Variants in RELCH observed in about 807,000 individuals in gnomAD.
The protein encoded by RELCH is RAB11-binding protein RELCH.
In RELCH, 41 loss-of-function variants were observed where a neutral mutation model predicts 150.3. That is an observed-to-expected ratio of 0.27 (90% CI 0.21 to 0.35). The LOEUF (loss-of-function observed/expected upper bound fraction) is 0.35, where lower values mean the gene tolerates loss of function less well. Among genes scored for constraint, RELCH ranks in the 10% least tolerant of loss-of-function variants. The pLI is 1.00. For missense variants in RELCH, 1,092 were observed against 1,467.8 expected, an observed-to-expected ratio of 0.74 and a Z score of 4.18; for synonymous variants, 478 against 531.8, an observed-to-expected ratio of 0.90 and a Z score of 1.39.
chr18:62,246,605 CT>C (rs1477992990), intron 11 of RELCH: 1 of 152,172 alleles, frequency 6.6e-6, no homozygotes, highest in African/African-American at 2.4e-5. Context: ...TTCTGTTACT[CT>C]AATATCATTT....
intron 19 of RELCH, 102 bp downstream of exon 19, chr18:62,266,851 T>G (rs1353468320): frequency 4.4e-6 from 3 of 684,754 alleles, no homozygotes. Flanking sequence ...AACTAGCAAC[T>G]ACAATTGAAA....
chr18:62,198,287 G>A (rs1267079385), intron 1 of RELCH, among the ~76,000 whole-genome samples: 1 of 152,124 alleles, frequency 6.6e-6, no homozygotes, highest in African/African-American at 2.4e-5. Flanking sequence ...AACTAACAAG[G>A]CCAAATTAGC....
Position 62,267,106 on chromosome 18 carries a change from T to C in RELCH, c.2680+357T>C, listed in dbSNP as rs112786810. Among the ~76,000 whole-genome samples, 280 of 152,082 alleles carry C rather than the reference T, an allele frequency of 1.8e-3. 3 individuals carry two copies. The highest frequency in any genetic ancestry group is 6.5e-3 in the African/African-American group (271 of 41,558). On this transcript the variant is annotated intron_variant, in intron 19 of 28. Transcript: ENST00000644646. ...ATCTAATTCCTAATTAGTTCTATAA[T>C]ACTTTTAAAAATTAAACATAGTGGA...
chr18:62,232,798 G>A (rs1035840335), intron 10 of RELCH, among the ~76,000 whole-genome samples: 3 of 151,972 alleles, frequency 2.0e-5, no homozygotes, highest in African/African-American at 7.2e-5. Context: ...GACACTCTTT[G>A]TATTGAAAAT....
chr18:62,221,254 A>C lies in RELCH; in HGVS notation c.724A>C (p.Lys242Gln), dbSNP rs2040852947. Residue 242 changes from lysine to glutamine, a missense_variant, in exon 4 of 29, where the codon AAA becomes CAA. This residue lies in a region of RELCH where 190 missense variants were observed against 276.2 expected (regional missense o/e 0.69). Coordinates refer to ENST00000644646, the MANE Select transcript of RELCH (RefSeq NM_001346231.2). ...TCCTTTACAGGAACGAAAAAATTAC[A>C]AATCAAGTCCTGAAATTCAGGTGGG... ...EVPLQERKNY[K>Q]SSPEIQEPIK... The C allele has an allele frequency of 6.2e-7, 1 of 1,611,324 alleles. No individual in the cohort carries two copies. Among genetic ancestry groups the C allele is most frequent in the African/African-American group, 1.3e-5 (1 of 74,834 alleles).
At chr18:62,277,956 C>T in intron 22 of RELCH, 1 of 492,176 alleles carries the variant, frequency 2.0e-6, no homozygotes, top group Non-Finnish European at 2.6e-6. Context: ...AGTTCCTTTG[C>T]AGGCCCTGCA....
intron 25 of RELCH, chr18:62,284,376 C>G (rs1451160234): frequency 1.3e-5 from 2 of 152,338 alleles, no homozygotes; most frequent in African/African-American, 4.8e-5. Context: ...GAAATTCCCA[C>G]TGCTTGAATA....
rs1306805413 is a variant in RELCH, at chr18:62,282,400, T to G, written c.3209T>G (p.Phe1070Cys). 6.2e-7 allele frequency: 1 copy of G among 1,612,830 alleles called. No individual in the cohort carries two copies. Among genetic ancestry groups the G allele is most frequent in the Admixed American group, 1.7e-5 (1 of 59,674 alleles). ...HSLHTEIIKT[F>C]GRVGPNAEPR... Reference sequence around the variant, plus strand: ...TTGCATACAGAGATCATAAAAACATTTGGTAGAGTTGGCCCTAACGCAGAA... The same window carrying G: ...TTGCATACAGAGATCATAAAAACATGTGGTAGAGTTGGCCCTAACGCAGAA... The change falls in exon 25 of 29, where the codon TTT (phenylalanine) becomes TGT (cysteine). Residue 1070 changes from phenylalanine to cysteine, a missense_variant. Physicochemically the swap from Phe to Cys is radical, Grantham distance 205. Around this residue, in one of 4 missense-constraint regions of RELCH, gnomAD observed 707 missense variants for 1,025.4 expected, o/e 0.69. Coordinates refer to ENST00000644646, the MANE Select transcript of RELCH (RefSeq NM_001346231.2).
chr18:62,246,607 A>C (rs1247308805), intron 11 of RELCH: 1 of 152,232 alleles, frequency 6.6e-6, no homozygotes, highest in African/African-American at 2.4e-5. Context: ...CTGTTACTCT[A>C]ATATCATTTA....
At chr18:62,216,455 T>G (rs1599867499) in intron 2 of RELCH, among the ~76,000 whole-genome samples, 2 of 152,140 alleles carry the variant, frequency 1.3e-5, no homozygotes, top group East Asian at 3.8e-4. Context: ...AGTTCACACC[T>G]TAACTCTGTT....
chr18:62,295,333 T>TTG (rs1555758044), intron 27 of RELCH, among the ~76,000 whole-genome samples: 1 of 151,316 alleles, frequency 6.6e-6, no homozygotes, highest in Non-Finnish European at 1.5e-5. Context: ...TTTTTTTTTT[T>TTG]TCTCTTTCTT....
Position 62,232,364 on chromosome 18 carries a change from T to A in RELCH, c.1557T>A (p.Val519=). ...GTATTGCAGACAGTGAAAAAAGCGT[T>A]ATGTTAATGCTGGGACGCTGCCTGC... ...VSRIADSEKS[V]MLMLGRCLPH... Residue 519 remains valine, a synonymous_variant, in exon 10 of 29, where the codon GTT becomes GTA. Transcript: ENST00000644646. 1 of 1,611,924 alleles carries A rather than the reference T, an allele frequency of 6.2e-7. No homozygotes were observed.
intron 11 of RELCH, chr18:62,247,371 CAGG>C (rs2042470056): frequency 6.6e-6 from 1 of 151,798 alleles, no homozygotes. Context: ...CTATTATAAA[CAGG>C]AGAATGGAGC....
intron 12 of RELCH, among the ~76,000 whole-genome samples, chr18:62,254,473 A>G (rs2042892205): frequency 1.3e-5 from 2 of 151,032 alleles, no homozygotes; most frequent in African/African-American, 2.4e-5. Context: ...AAGAAAAGCA[A>G]ACGAAAGTTT....
chr18:62,280,420 A>ACCTTGT (rs1456603820), intron 23 of RELCH: 1 of 1,613,968 alleles, frequency 6.2e-7, no homozygotes, highest in East Asian at 2.2e-5. Context: ...GGCCCTTGTT[A>ACCTTGT]CCTTGTCCAG....
At chr18:62,244,709 A>G (rs565351750) in intron 10 of RELCH, 55 bp from the exon 11 acceptor site, 12 of 1,138,454 alleles carry the variant, frequency 1.1e-5, no homozygotes, top group African/African-American at 3.0e-5. Context: ...GGAGGAAAAA[A>G]GAATATTCTG....
At chr18:62,191,133 T>C (rs976737909) in intron 1 of RELCH, among the ~76,000 whole-genome samples, 6 of 152,212 alleles carry the variant, frequency 3.9e-5, no homozygotes, top group Non-Finnish European at 8.8e-5. Flanking sequence ...CAGTTTTGTG[T>C]TATTGTAAAG....
At chr18:62,214,747 A>G (rs1173611859) in intron 2 of RELCH, among the ~76,000 whole-genome samples, 2 of 152,134 alleles carry the variant, frequency 1.3e-5, no homozygotes, top group South Asian at 2.1e-4. Flanking sequence ...GAGCTGCACC[A>G]CAAGCCTCAC....
At chr18:62,211,378 A>C (rs1456962471) in intron 2 of RELCH, 136 bp downstream of exon 2, 4 of 504,306 alleles carry the variant, frequency 7.9e-6, no homozygotes, top group African/African-American at 6.0e-5. Flanking sequence ...TTATGTTACT[A>C]ATTACTAATT....
Sources: allele counts gnomAD v4.1 joint callset (sites outside exome capture counted in the v4.1 genomes callset), GRCh38; gene constraint gnomAD v4.1.1; regional missense constraint gnomAD v4.1.1; transcripts MANE v1.5; gene names NCBI Gene and HGNC (gene_info 2026-07-23, HGNC 2026-07-21).